Variants in ASTN2 observed in about 807,000 individuals in gnomAD.
The protein encoded by ASTN2 is astrotactin 2, also known as astrotactin-2.
Under a neutral mutation model 139.8 loss-of-function variants are expected in ASTN2, and 54 were observed. That is an observed-to-expected ratio of 0.39 (90% CI 0.31 to 0.48). The LOEUF (loss-of-function observed/expected upper bound fraction) is 0.48, where lower values mean the gene tolerates loss of function less well. Among genes scored for constraint, ASTN2 ranks in the 20% least tolerant of loss-of-function variants. The pLI is 0.95. For missense variants in ASTN2, 1,565 were observed against 1,725.1 expected, an observed-to-expected ratio of 0.91 and a Z score of 1.64; for synonymous variants, 756 against 719.5, an observed-to-expected ratio of 1.05 and a Z score of -0.81.
intron 5 of ASTN2, among the ~76,000 whole-genome samples, chr9:117,075,505 G>A (rs1418250804): frequency 6.7e-6 from 1 of 149,238 alleles, no homozygotes; most frequent in Non-Finnish European, 1.5e-5. Flanking sequence ...AGGGGGAGGG[G>A]GAGGAGGAGG....
At chr9:117,336,754 T>C (rs1828897312) in intron 1 of ASTN2, among the ~76,000 whole-genome samples, 1 of 152,116 alleles carries the variant, frequency 6.6e-6, no homozygotes, top group African/African-American at 2.4e-5. Context: ...ACATGATTCC[T>C]CAGACTTCCC....
chr9:116,494,465 G>A (rs1849611716), intron 19 of ASTN2, among the ~76,000 whole-genome samples: 1 of 151,982 alleles, frequency 6.6e-6, no homozygotes, highest in South Asian at 2.1e-4. Flanking sequence ...TTGCTTTTAG[G>A]TGCATTACAT....
chr9:117,352,262 C>A (rs938016903), intron 1 of ASTN2, among the ~76,000 whole-genome samples: 1 of 152,156 alleles, frequency 6.6e-6, no homozygotes, highest in Admixed American at 6.5e-5. Context: ...CTTCATCTAC[C>A]TTTAAAATGT....
chr9:116,491,613 CT>C (rs1588110265), intron 19 of ASTN2, among the ~76,000 whole-genome samples: 1 of 152,104 alleles, frequency 6.6e-6, no homozygotes, highest in Admixed American at 6.6e-5. Flanking sequence ...TGTAAGATAG[CT>C]TTTTTTGGCA....
intron 6 of ASTN2, among the ~76,000 whole-genome samples, chr9:117,019,725 T>C (rs914124275): frequency 2.4e-4 from 36 of 151,948 alleles, no homozygotes; most frequent in African/African-American, 8.2e-4. Flanking sequence ...GCTGGTGAAA[T>C]GTAGTCTGAA....
chr9:116,928,784 T>C (rs143334552), intron 10 of ASTN2, among the ~76,000 whole-genome samples: 319 of 151,886 alleles, frequency 2.1e-3, no homozygotes, highest in South Asian at 6.2e-3. Flanking sequence ...AGTTAAACAC[T>C]GTATTAAGGG....
At chr9:117,033,424 T>C (rs1367892624) in intron 6 of ASTN2, among the ~76,000 whole-genome samples, 1 of 150,754 alleles carries the variant, frequency 6.6e-6, no homozygotes, top group Non-Finnish European at 1.5e-5. Flanking sequence ...TTATGAGCAT[T>C]ATTTCACTTA....
At chr9:117,331,009 G>A (rs1564150146) in intron 1 of ASTN2, among the ~76,000 whole-genome samples, 1 of 152,152 alleles carries the variant, frequency 6.6e-6, no homozygotes, top group Non-Finnish European at 1.5e-5. Context: ...CCTCAGCAGT[G>A]TCCTGCAGCA....
intron 5 of ASTN2, among the ~76,000 whole-genome samples, chr9:117,061,699 T>C (rs1283337894): frequency 1.3e-5 from 2 of 152,180 alleles, no homozygotes; most frequent in African/African-American, 4.8e-5. Context: ...CTGTGGCCTG[T>C]TTACATTCTC....
chr9:116,662,929 C>T (rs773486980), intron 16 of ASTN2, among the ~76,000 whole-genome samples: 2 of 152,170 alleles, frequency 1.3e-5, no homozygotes, highest in Non-Finnish European at 2.9e-5. Flanking sequence ...GGTCATTAGG[C>T]ATTCAAAGAC....
At position 116,990,725 on chromosome 9, in the gene ASTN2, C is replaced by G. The variant is rs922976517; in HGVS notation, c.1592-13940G>C. On this transcript the variant is annotated intron_variant, in intron 7 of 22. Coordinates refer to ENST00000313400, the MANE Select transcript of ASTN2 (RefSeq NM_001365068.1). The stretch of plus-strand genomic sequence containing the variant: ...GCAGAACAGTGCAGGTTCCCATTAC[C>G]AAGGCTCTCATTCTTTTACAAAACA... 3.1e-4 allele frequency among the ~76,000 whole-genome samples: 47 copies of G among 152,304 alleles called. 1 individual carries two copies. The highest frequency in any genetic ancestry group is 1.1e-3 in the African/African-American group (46 of 41,544).
intron 10 of ASTN2, among the ~76,000 whole-genome samples, chr9:116,928,631 G>A (rs1039830556): frequency 6.6e-6 from 1 of 151,918 alleles, no homozygotes; most frequent in Non-Finnish European, 1.5e-5. Context: ...AGAAATGAAG[G>A]GGAAGAAAGA....
chr9:117,323,928 G>A (rs1828424656), intron 1 of ASTN2, among the ~76,000 whole-genome samples: 1 of 152,112 alleles, frequency 6.6e-6, no homozygotes, highest in Non-Finnish European at 1.5e-5. Context: ...AATATTTACT[G>A]AGTGCCCAAA....
intron 6 of ASTN2, among the ~76,000 whole-genome samples, chr9:117,027,228 G>A (rs11792541): frequency 0.51 from 77,295 of 151,932 alleles, 20,191 homozygotes; most frequent in South Asian, 0.66. Flanking sequence ...AACACTGGTA[G>A]CATCTATTAT....
chr9:116,437,937 T>C (rs1847710819), intron 22 of ASTN2, among the ~76,000 whole-genome samples: 1 of 152,098 alleles, frequency 6.6e-6, no homozygotes, highest in Non-Finnish European at 1.5e-5. Context: ...TGGAGGGCCA[T>C]TGCAAATGTT....
intron 11 of ASTN2, among the ~76,000 whole-genome samples, chr9:116,843,240 T>C (rs1361712133): frequency 1.3e-5 from 2 of 152,206 alleles, no homozygotes. Flanking sequence ...GTGTATACAC[T>C]TGAAATACTA....
rs776360378 is a variant in ASTN2, at chr9:116,698,772, CG to C, written c.2806+26998del. On this transcript the variant is annotated intron_variant, in intron 16 of 22. Coordinates refer to ENST00000313400, the MANE Select transcript of ASTN2 (RefSeq NM_001365068.1). The surrounding 1 kb of genome is among the most constrained non-coding windows in gnomAD (Gnocchi z 4.4). ...CCCTAGGGCCTCACCTGCTAAACAGCGGGGTCCTGAGGCAGCCTCCAATATC... is the reference window on the plus strand; with the variant it reads ...CCCTAGGGCCTCACCTGCTAAACAGCGGGTCCTGAGGCAGCCTCCAATATC... 1 of 1,614,152 alleles carries C rather than the reference CG, an allele frequency of 6.2e-7. No individual in the cohort carries two copies. The highest frequency in any genetic ancestry group is 1.1e-5 in the South Asian group (1 of 91,078).
At position 116,651,556 on chromosome 9, in the gene ASTN2, G is replaced by A; in HGVS notation, c.3044C>T (p.Thr1015Ile). ...CTTTGTGCCATTGTCTTGGATGAGG[G>A]TATAAAGTGGCACCACACGGTTGAT... ...LEINRVVPLY[T>I]LIQDNGTKEA... Residue 1015 changes from threonine to isoleucine, a missense_variant, in exon 17 of 23, where the codon ACC becomes ATC. By Grantham distance (89) the Thr-to-Ile change is moderately conservative. Transcript: ENST00000313400. The A allele has an allele frequency of 2.5e-6, 4 of 1,614,162 alleles. No individual in the cohort carries two copies. Among genetic ancestry groups the A allele is most frequent in the Non-Finnish European group, 3.4e-6 (4 of 1,180,038 alleles).
At chr9:116,550,338 T>G (rs1375011058) in intron 19 of ASTN2, among the ~76,000 whole-genome samples, 1 of 152,154 alleles carries the variant, frequency 6.6e-6, no homozygotes, top group Non-Finnish European at 1.5e-5. Flanking sequence ...ACCTGTCAAT[T>G]TTACCCTGTA....
Sources: gnomAD v4.1 joint callset for allele counts (sites outside exome capture counted in the v4.1 genomes callset) on GRCh38, gnomAD v4.1.1 for gene constraint, Gnocchi (gnomAD v3.1) non-coding constraint, MANE v1.5 for transcripts, NCBI Gene and HGNC (gene_info 2026-07-23, HGNC 2026-07-21) for gene names.